Variants in CIITA observed in about 807,000 individuals in gnomAD.
CIITA encodes the protein class II major histocompatibility complex transactivator, also known as MHC class II transactivator.
Under a neutral mutation model 115.1 loss-of-function variants are expected in CIITA, and 72 were observed. That is an observed-to-expected ratio of 0.63 (90% confidence interval 0.52 to 0.76). CIITA has a LOEUF of 0.76. Ranked by LOEUF, CIITA falls within the 30% of genes least tolerant of loss-of-function variation. The pLI, the probability that CIITA is intolerant of heterozygous loss-of-function variation, is 0.00. For missense variants in CIITA, 1,617 were observed against 1,463.8 expected (o/e 1.10, Z -1.71); for synonymous variants, 763 against 635.6 (o/e 1.20, Z -3.02).
rs1253384874 is a variant in CIITA at position 10,907,875 on chromosome 16, C to T, written c.2383C>T (p.Arg795Trp). The change falls in exon 11 of 20, where the codon CGG (arginine) becomes TGG (tryptophan). Residue 795 changes from arginine to tryptophan, a missense_variant. Coordinates refer to ENST00000324288, the MANE Select transcript of CIITA (RefSeq NM_000246.4). This position sits in a 1 kb window ranked among gnomAD's most constrained non-coding sequence, Gnocchi z 5.0. ...GAAGGTGCTTGCGAGGTACCTGAAG[C>T]GGCTGCAGCCGGGGACACTGCGGGC... ...KQKVLARYLK[R>W]LQPGTLRARQ... 7 of 1,605,412 alleles carry T rather than the reference C, an allele frequency of 4.4e-6. No homozygotes were observed. The highest frequency in any genetic ancestry group is 1.7e-4 in the Middle Eastern group (1 of 6,018).
chr16:10,897,373 C>A (rs1028349549), intron 3 of CIITA, among the ~76,000 whole-genome samples: 2 of 152,294 alleles, frequency 1.3e-5, no homozygotes, highest in Admixed American at 6.5e-5. Flanking sequence ...AACTTATTAA[C>A]CTGTTTATCC....
chr16:10,870,900 A>G (rs2035438453), intron 1 of CIITA, among the ~76,000 whole-genome samples: 1 of 152,266 alleles, frequency 6.6e-6, no homozygotes, highest in Non-Finnish European at 1.5e-5. Context: ...TGAGGCACCA[A>G]GAAAAATAAT....
chr16:10,895,608 G>T, intron 2 of CIITA, 61 bp from the exon 3 acceptor site: 1 of 1,603,402 alleles, frequency 6.2e-7, no homozygotes, highest in Non-Finnish European at 8.5e-7. Context: ...CCTCTCCCTC[G>T]TTCCCCACCA....
chr16:10,907,646 G>T lies in CIITA; in HGVS notation c.2154G>T (p.Gly718=). The T allele has an allele frequency of 1.2e-6, 2 of 1,614,228 alleles. No individual in the cohort carries two copies. Among genetic ancestry groups the T allele is most frequent in the Non-Finnish European group, 1.7e-6 (2 of 1,180,042 alleles). ...GCTTCCTCCTGCAATGCTTCCTGGG[G>T]GCCCTGTGGCTGGCTCTGAGTGGCG... ...FPSFLLQCFL[G]ALWLALSGEI... The change falls in exon 11 of 20, where the codon GGG becomes GGT. Residue 718 remains glycine, a synonymous_variant. Coordinates refer to ENST00000324288, the MANE Select transcript of CIITA (RefSeq NM_000246.4). The surrounding 1 kb of genome is among the most constrained non-coding windows in gnomAD (Gnocchi z 5.0).
At position 10,923,014 on chromosome 16, in the gene CIITA, T is replaced by C; in HGVS notation, c.3318-214T>C. On this transcript the variant is annotated intron_variant, in intron 18 of 19. Coordinates refer to ENST00000324288, the MANE Select transcript of CIITA (RefSeq NM_000246.4). The surrounding 1 kb of genome is among the most constrained non-coding windows in gnomAD (Gnocchi z 5.2). ...GAGCAGTTAACTAACCTTTCTGGGG[T>C]CACACAGCAAGTCAGCTGCAGAACC... 1 of 594,952 alleles carries C rather than the reference T, an allele frequency of 1.7e-6. No homozygotes were observed. Among genetic ancestry groups the C allele is most frequent in the East Asian group, 2.8e-5 (1 of 35,774 alleles). The allele number at this position is 594,952 out of a possible 1,614,324, so 36.9% of individuals were successfully genotyped here.
Position 10,926,748 on chromosome 16 carries a change from C to G in CIITA, c.*2893C>G, listed in dbSNP as rs2040547707. 6.6e-6 allele frequency: 1 copy of G among 152,204 alleles called. No homozygotes were observed. Among genetic ancestry groups the G allele is most frequent in the African/African-American group, 2.4e-5 (1 of 41,436 alleles). 9.4% of individuals were successfully genotyped at this position (152,204 alleles called of 1,614,324 possible). ...TAGAGATGGAGTTTCACCATGTTGG[C>G]CAGGCTGGTAATCTGCCTGCCTTGG... On this transcript the variant is annotated 3_prime_UTR_variant, in exon 20 of 20. Coordinates refer to ENST00000324288, the MANE Select transcript of CIITA (RefSeq NM_000246.4).
At chr16:10,891,171 ACCAC>A (rs761262445) in intron 1 of CIITA, among the ~76,000 whole-genome samples, 6 of 151,934 alleles carry the variant, frequency 3.9e-5, no homozygotes, top group Non-Finnish European at 8.8e-5. Context: ...CATCTGTGAT[ACCAC>A]CTGTGTCTCT....
In CIITA at chr16:10,923,707, C is replaced by G. The variant is rs1189752410; in HGVS notation, c.*23-171C>G. On this transcript the variant is annotated intron_variant, in intron 19 of 19. Coordinates refer to ENST00000324288, the MANE Select transcript of CIITA (RefSeq NM_000246.4). This position sits in a 1 kb window ranked among gnomAD's most constrained non-coding sequence, Gnocchi z 5.2. ...TGCTTGACAAGTCTCCTGCTCCTCA[C>G]TATGAAGATCACTGTCCCCCAGCCC... Among the ~76,000 whole-genome samples the G allele has an allele frequency of 6.6e-6, 1 of 152,146 alleles. No individual in the cohort carries two copies. Among genetic ancestry groups the G allele is most frequent in the Non-Finnish European group, 1.5e-5 (1 of 68,026 alleles).
At position 10,879,520 on chromosome 16, in the gene CIITA, C is replaced by T. The variant is rs895997893; in HGVS notation, c.52+2138C>T. On this transcript the variant is annotated intron_variant, in intron 1 of 19. Transcript: ENST00000324288. This position sits in a 1 kb window ranked among gnomAD's most constrained non-coding sequence, Gnocchi z 4.3. Reference sequence around the variant, plus strand: ...TCTGGAATCTTGGGTATTGGGCTCTCCAGGCGGGGGGCCCTGCTCAGGGAG... The same window carrying T: ...TCTGGAATCTTGGGTATTGGGCTCTTCAGGCGGGGGGCCCTGCTCAGGGAG... Among the ~76,000 whole-genome samples, 2 of 152,244 alleles carry T rather than the reference C, an allele frequency of 1.3e-5. No homozygotes were observed. Among genetic ancestry groups the T allele is most frequent in the South Asian group, 4.1e-4 (2 of 4,822 alleles).
rs1173221182 is a variant in CIITA at position 10,935,890 on chromosome 16, G to C, written c.*12035G>C. 1.3e-5 allele frequency: 2 copies of C among 152,116 alleles called. No individual in the cohort carries two copies. The highest frequency in any genetic ancestry group is 2.9e-5 in the Non-Finnish European group (2 of 68,038). 9.4% of individuals were successfully genotyped at this position (152,116 alleles called of 1,614,324 possible). A position where few individuals can be genotyped will look rare whatever the true frequency, so the allele number is the denominator to read the frequency against. On this transcript the variant is annotated 3_prime_UTR_variant, in exon 20 of 20. Coordinates refer to ENST00000324288, the MANE Select transcript of CIITA (RefSeq NM_000246.4). ...AAAGACAGACTGAAGAGCTGATCCA[G>C]ACTGAAGAAGGCTCGAGATTAATGC... is the stretch of plus-strand genomic sequence containing the variant.
intron 1 of CIITA, among the ~76,000 whole-genome samples, chr16:10,892,289 A>C (rs1159176238): frequency 6.6e-6 from 1 of 151,822 alleles, no homozygotes; most frequent in Non-Finnish European, 1.5e-5. Context: ...GCACCACTGC[A>C]CTCCAGCCTG....
intron 1 of CIITA, among the ~76,000 whole-genome samples, chr16:10,885,561 C>G (rs955002973): frequency 1.3e-5 from 2 of 151,186 alleles, no homozygotes; most frequent in South Asian, 2.1e-4. Context: ...AGTCCTCTCT[C>G]TGTCTCGTTC....
At chr16:10,870,282 C>A (rs2035394115) in intron 1 of CIITA, among the ~76,000 whole-genome samples, 1 of 151,592 alleles carries the variant, frequency 6.6e-6, no homozygotes, top group Non-Finnish European at 1.5e-5. Context: ...CAAACTGAAA[C>A]CAGCCTGATG....
intron 1 of CIITA, among the ~76,000 whole-genome samples, chr16:10,869,635 A>C (rs867116362): frequency 1.7e-4 from 26 of 151,824 alleles, no homozygotes; most frequent in Admixed American, 7.2e-4. Context: ...CTCATGCCTC[A>C]GCCTCCCAAA....
intron 1 of CIITA, among the ~76,000 whole-genome samples, chr16:10,885,444 G>A (rs1263626229): frequency 6.6e-6 from 1 of 152,162 alleles, no homozygotes; most frequent in African/African-American, 2.4e-5. Flanking sequence ...ATAAGCCCCT[G>A]AGCATTGCAG....
Position 10,941,844 on chromosome 16 carries a change from C to T in CIITA, n.970C>T, listed in dbSNP as rs920602929. Reference sequence around the variant, plus strand: ...TGTCCTCGGGCAGGAAGACGAGGCCCACGTTGAGGACGATGTACTCCATGA... The same window carrying T: ...TGTCCTCGGGCAGGAAGACGAGGCCTACGTTGAGGACGATGTACTCCATGA... On this transcript the variant is annotated non_coding_transcript_exon_variant, in exon 2 of 2. Transcript: ENST00000573379. The surrounding 1 kb of genome is among the most constrained non-coding windows in gnomAD (Gnocchi z 6.4). 1.9e-6 allele frequency: 3 copies of T among 1,613,010 alleles called. No homozygotes were observed. The highest frequency in any genetic ancestry group is 1.7e-6 in the Non-Finnish European group (2 of 1,179,850).
At position 10,908,809 on chromosome 16, in the gene CIITA, T is replaced by C. The variant is rs530387936; in HGVS notation, c.2658-220T>C. On this transcript the variant is annotated intron_variant, in intron 11 of 19. Transcript: ENST00000324288. ...GCCAATAATTTAGCAGTGAGCTTCC[T>C]GGTAGCCGAAGCAAAAAGGGAAAGA... The C allele has an allele frequency of 2.2e-4, 141 of 654,574 alleles. No individual in the cohort carries two copies. The African/African-American group carries it at 2.4e-3, about 11-fold the overall frequency. The allele number at this position is 654,574 out of a possible 1,614,324, so 40.5% of individuals were successfully genotyped here. A position where few individuals can be genotyped will look rare whatever the true frequency, so the allele number is the denominator to read the frequency against.
chr16:10,882,025 T>C (rs1332228399), intron 1 of CIITA, among the ~76,000 whole-genome samples: 1 of 152,236 alleles, frequency 6.6e-6, no homozygotes, highest in Non-Finnish European at 1.5e-5. Context: ...AATAGTATTC[T>C]AATATGTGGA....
intron 8 of CIITA, 111 bp downstream of exon 8, chr16:10,902,912 A>G (rs1303371255): frequency 7.8e-7 from 1 of 1,285,688 alleles, no homozygotes; most frequent in Admixed American, 1.8e-5. Flanking sequence ...GCACCTTCTC[A>G]TGATCCTCCC....
Sources: allele counts gnomAD v4.1 joint callset (sites outside exome capture counted in the v4.1 genomes callset), GRCh38; gene constraint gnomAD v4.1.1; non-coding constraint Gnocchi (gnomAD v3.1); transcripts MANE v1.5; gene names NCBI Gene and HGNC (gene_info 2026-07-23, HGNC 2026-07-21).